Variants in DKK2 observed in about 807,000 individuals in gnomAD.
The protein encoded by DKK2 is dickkopf-related protein 2.
In DKK2, 11 loss-of-function variants were observed where a neutral mutation model predicts 28.1. The ratio of observed to expected loss-of-function variants is 0.39; its 90% CI spans 0.25 to 0.65. The LOEUF (loss-of-function observed/expected upper bound fraction) is 0.65, where lower values mean the gene tolerates loss of function less well. DKK2 is among the 30% of genes least tolerant of loss of function. DKK2 has a pLI of 0.47. For missense variants in DKK2, 326 were observed against 335.5 expected (o/e 0.97, Z 0.22); for synonymous variants, 135 against 126.5 (o/e 1.07, Z -0.45).
chr4:106,987,393 T>G (rs1392403413), intron 1 of DKK2, among the ~76,000 whole-genome samples: 4 of 152,210 alleles, frequency 2.6e-5, no homozygotes, highest in African/African-American at 9.7e-5. Context: ...CAGGAGTCTA[T>G]TAAACACTTC....
At chr4:106,965,006 T>TGA (rs61154775) in intron 1 of DKK2, among the ~76,000 whole-genome samples, 24 of 125,284 alleles carry the variant, frequency 1.9e-4, no homozygotes, top group African/African-American at 6.8e-4. Flanking sequence ...GATAGATAGA[T>TGA]TGATTGATTC....
At chr4:106,945,521 A>G (rs1208738780) in intron 1 of DKK2, among the ~76,000 whole-genome samples, 3 of 152,130 alleles carry the variant, frequency 2.0e-5, no homozygotes, top group Non-Finnish European at 4.4e-5. Flanking sequence ...CCTAAGTATT[A>G]ACAAACCACT....
intron 1 of DKK2, among the ~76,000 whole-genome samples, chr4:107,007,773 G>T (rs1723457807): frequency 6.6e-6 from 1 of 152,078 alleles, no homozygotes; most frequent in South Asian, 2.1e-4. Context: ...GTGTGGCCTG[G>T]GCATTAGGTG....
At chr4:106,939,937 A>G (rs1724667662) in intron 1 of DKK2, among the ~76,000 whole-genome samples, 1 of 152,164 alleles carries the variant, frequency 6.6e-6, no homozygotes. Context: ...TCCCTTCCTT[A>G]TACCTTATAC....
At chr4:107,017,329 G>A (rs1032717694) in intron 1 of DKK2, among the ~76,000 whole-genome samples, 1 of 151,944 alleles carries the variant, frequency 6.6e-6, no homozygotes, top group African/African-American at 2.4e-5. Context: ...TAATTTTTTA[G>A]TTTCCTCTTG....
chr4:107,014,172 G>A (rs1341548859), intron 1 of DKK2, among the ~76,000 whole-genome samples: 1 of 151,312 alleles, frequency 6.6e-6, no homozygotes, highest in Admixed American at 6.6e-5. Flanking sequence ...ACATGTCAAA[G>A]AGATACCTGC....
In DKK2 at chr4:106,955,399, A is replaced by T. The variant is rs557008620; in HGVS notation, c.223-29450T>A. On this transcript the variant is annotated intron_variant, in intron 1 of 3. Transcript: ENST00000285311. ...GTAAACAGACTCCTTTGCTGGCTCC[A>T]ATTGCTAGGCCAGGCATTTGGGGCA... is the stretch of plus-strand genomic sequence containing the variant. Among the ~76,000 whole-genome samples, 14 of 152,286 alleles carry T rather than the reference A, an allele frequency of 9.2e-5. No homozygotes were observed. In the South Asian group the frequency reaches 1.5e-3, roughly 16 times the overall value.
At chr4:106,982,226 A>G (rs1187633465) in intron 1 of DKK2, among the ~76,000 whole-genome samples, 1 of 152,242 alleles carries the variant, frequency 6.6e-6, no homozygotes, top group African/African-American at 2.4e-5. Flanking sequence ...AAGCAAATAC[A>G]TACTTTGTTC....
intron 1 of DKK2, among the ~76,000 whole-genome samples, chr4:107,009,090 C>T (rs1008063040): frequency 1.3e-5 from 2 of 151,928 alleles, no homozygotes; most frequent in South Asian, 4.1e-4. Context: ...CCAGGTATAT[C>T]TTCTTAACCA....
intron 1 of DKK2, among the ~76,000 whole-genome samples, chr4:106,951,722 C>T (rs1181848563): frequency 6.6e-6 from 1 of 152,054 alleles, no homozygotes; most frequent in Non-Finnish European, 1.5e-5. Flanking sequence ...ATGTTAAACT[C>T]TAACATTTTA....
chr4:107,011,762 A>G (rs1723521978), intron 1 of DKK2, among the ~76,000 whole-genome samples: 2 of 151,442 alleles, frequency 1.3e-5, no homozygotes, highest in East Asian at 1.9e-4. Flanking sequence ...CACAACATAC[A>G]GTTTGTTGTC....
intron 1 of DKK2, among the ~76,000 whole-genome samples, chr4:106,992,597 C>T (rs1488854674): frequency 1.3e-5 from 2 of 152,100 alleles, no homozygotes; most frequent in African/African-American, 4.8e-5. Context: ...TTCTTTGCTG[C>T]AAAACTTCTC....
At chr4:107,019,307 T>C (rs1280734098) in intron 1 of DKK2, among the ~76,000 whole-genome samples, 1 of 151,960 alleles carries the variant, frequency 6.6e-6, no homozygotes, top group Non-Finnish European at 1.5e-5. Flanking sequence ...TAATTCTGAG[T>C]TTGAAACTGA....
At chr4:106,972,333 A>G (rs1300433839) in intron 1 of DKK2, among the ~76,000 whole-genome samples, 1 of 151,976 alleles carries the variant, frequency 6.6e-6, no homozygotes, top group African/African-American at 2.4e-5. Context: ...ATAGACTTTT[A>G]CTACATAGCT....
intron 1 of DKK2, among the ~76,000 whole-genome samples, chr4:107,028,565 AAAAAG>A (rs1341885479): frequency 2.0e-5 from 3 of 152,210 alleles, no homozygotes; most frequent in Non-Finnish European, 4.4e-5. Flanking sequence ...GTATACTAAA[AAAAAG>A]AAAAGACTAG....
At chr4:106,933,321 C>A (rs1309538007) in intron 1 of DKK2, among the ~76,000 whole-genome samples, 1 of 152,150 alleles carries the variant, frequency 6.6e-6, no homozygotes, top group Non-Finnish European at 1.5e-5. Context: ...AGGATTAGTT[C>A]CCTGAAAACA....
At chr4:106,992,569 G>C (rs1209087048) in intron 1 of DKK2, among the ~76,000 whole-genome samples, 1 of 152,156 alleles carries the variant, frequency 6.6e-6, no homozygotes, top group Non-Finnish European at 1.5e-5. Context: ...GGTTGTGCTG[G>C]CTATAACAAA....
At position 106,967,436 on chromosome 4, in the gene DKK2, T is replaced by C. The variant is rs116360387; in HGVS notation, c.223-41487A>G. On this transcript the variant is annotated intron_variant, in intron 1 of 3. Coordinates refer to ENST00000285311, the MANE Select transcript of DKK2 (RefSeq NM_014421.3). ...AAAAGTACCAGAAAGTGAAAAGGCC[T>C]ATGTCAAGTCCCTGTGGCTGGAGAA... 7.0e-3 allele frequency among the ~76,000 whole-genome samples: 1,070 copies of C among 152,108 alleles called. 10 individuals are homozygous for C. The highest frequency in any genetic ancestry group is 0.024 in the African/African-American group (1,001 of 41,518).
In DKK2 at chr4:107,035,691, G is replaced by C; in HGVS notation, c.-100C>G. 1 of 1,258,838 alleles carries C rather than the reference G, an allele frequency of 7.9e-7. No homozygotes were observed. The allele number at this position is 1,258,838 out of a possible 1,614,324, so 78.0% of individuals were successfully genotyped here. On this transcript the variant is annotated 5_prime_UTR_variant, in exon 1 of 4. Transcript: ENST00000285311. ...ACGGGGCCCCTCACTTGGGTCGCGG[G>C]GGCTTGCAGATTGTGTTCCCTCAAC...
Sources: allele counts gnomAD v4.1 joint callset (sites outside exome capture counted in the v4.1 genomes callset), GRCh38; gene constraint gnomAD v4.1.1; transcripts MANE v1.5; gene names NCBI Gene and HGNC (gene_info 2026-07-23, HGNC 2026-07-21).